Variants in MFSD2A observed in about 807,000 individuals in gnomAD.
MFSD2A encodes MFSD2 lysolipid transporter A, lysophospholipid, also known as sodium-dependent lysophosphatidylcholine symporter 1.
A neutral mutation model predicts 64.7 loss-of-function variants in MFSD2A; 27 were observed. The ratio of observed to expected loss-of-function variants is 0.42; its 90% CI spans 0.31 to 0.58. MFSD2A has a LOEUF of 0.58. Among genes scored for constraint, MFSD2A ranks in the 20% least tolerant of loss-of-function variants. The probability of loss-of-function intolerance (pLI) is 0.18; values close to 1 mark genes in which losing one functional copy is unlikely to be tolerated. For missense variants in MFSD2A, 474 were observed against 679.5 expected, an observed-to-expected ratio of 0.70 and a Z score of 3.36; for synonymous variants, 258 against 273.4, an observed-to-expected ratio of 0.94 and a Z score of 0.55.
intron 13 of MFSD2A, 99 bp from the exon 14 acceptor site, chr1:39,969,406 C>G: frequency 9.5e-7 from 1 of 1,056,842 alleles, no homozygotes; most frequent in East Asian, 2.7e-5. Context: ...CACTTTAGTC[C>G]GACAGCAGGG....
chr1:39,958,892 TTCTC>T lies in MFSD2A; in HGVS notation c.353+71_353+74del. ...TTCCAGCATATCTGCTCCTTGGTCC[TTCTC>T]TCTGTCTTGTCACAGGCAGAAGGGT... is the stretch of plus-strand genomic sequence containing the variant. On this transcript the variant is annotated intron_variant, in intron 3 of 13. Transcript: ENST00000372811. This position sits in a 1 kb window ranked among gnomAD's most constrained non-coding sequence, Gnocchi z 4.7. 6.7e-7 allele frequency: 1 copy of T among 1,497,966 alleles called. No homozygotes were observed. 92.8% of individuals were successfully genotyped at this position (1,497,966 alleles called of 1,614,324 possible).
rs79991799 is a variant in MFSD2A at position 39,955,170 on chromosome 1, G to C, written c.-123G>C. On this transcript the variant is annotated 5_prime_UTR_variant, in exon 1 of 14. Transcript: ENST00000372811. The surrounding 1 kb of genome is among the most constrained non-coding windows in gnomAD (Gnocchi z 5.9). ...AGAGTGCGTTCCTCGTCTGCCAGCC[G>C]GCTTGGCTAGCGCGCGGCGGCCGTG... is the stretch of plus-strand genomic sequence containing the variant. The C allele has an allele frequency of 3.0e-3, 2,183 of 729,404 alleles. 31 individuals carry two copies. The highest frequency in any genetic ancestry group is 0.024 in the African/African-American group (1,297 of 54,502). 45.2% of individuals were successfully genotyped at this position (729,404 alleles called of 1,614,324 possible). A position where few individuals can be genotyped will look rare whatever the true frequency, so the allele number is the denominator to read the frequency against.
chr1:39,964,844 G>A lies in MFSD2A; in HGVS notation c.354-367G>A, dbSNP rs891772486. ...GTGTGTGTGCGGTTGATGACTATCC[G>A]TGTGAGAACACGGGAGTTGGGGCTG... On this transcript the variant is annotated intron_variant, in intron 3 of 13. Coordinates refer to ENST00000372811, the MANE Select transcript of MFSD2A (RefSeq NM_032793.5). This position sits in a 1 kb window ranked among gnomAD's most constrained non-coding sequence, Gnocchi z 4.1. 3.5e-5 allele frequency: 10 copies of A among 289,068 alleles called. No individual in the cohort carries two copies. Among genetic ancestry groups the A allele is most frequent in the Middle Eastern group, 1.1e-3 (1 of 888 alleles). 17.9% of individuals were successfully genotyped at this position (289,068 alleles called of 1,614,324 possible).
At position 39,957,068 on chromosome 1, in the gene MFSD2A, CT is replaced by C. The variant is rs751206643; in HGVS notation, c.94-15del. ...GAGGCCAGAACCTTGGGCCTTTCAT[CT>C]TTTCCTCCTCTTCCCAGAAAGAACC... is the stretch of plus-strand genomic sequence containing the variant. On this transcript the variant is annotated intron_variant, in intron 1 of 13. Transcript: ENST00000372811. 8 of 1,605,306 alleles carry C rather than the reference CT, an allele frequency of 5.0e-6. 1 individual carries two copies. In the South Asian group the frequency reaches 8.8e-5, roughly 18 times the overall value.
Position 39,955,359 on chromosome 1 carries a change from A to G in MFSD2A, c.67A>G (p.Ser23Gly), listed in dbSNP as rs1457968220. The part of the protein sequence containing the change: ...AGLLPTSILQ[S>G]TERPAQVKKE... Reference sequence around the variant, plus strand: ...GCTGCTACCCACCAGCATCCTCCAAAGCACTGAACGCCCGGCCCAGGTGAA... The same window carrying G: ...GCTGCTACCCACCAGCATCCTCCAAGGCACTGAACGCCCGGCCCAGGTGAA... The change falls in exon 1 of 14, where the codon AGC becomes GGC. Residue 23 changes from serine (S) to glycine (G), a missense_variant. Coordinates refer to ENST00000372811, the MANE Select transcript of MFSD2A (RefSeq NM_032793.5). This position sits in a 1 kb window ranked among gnomAD's most constrained non-coding sequence, Gnocchi z 5.9. The G allele has an allele frequency of 6.7e-7, 1 of 1,491,576 alleles. No homozygotes were observed. Among genetic ancestry groups the G allele is most frequent in the Admixed American group, 2.4e-5 (1 of 41,648 alleles). 92.4% of individuals were successfully genotyped at this position (1,491,576 alleles called of 1,614,324 possible).
rs956662903 is a variant in MFSD2A at position 39,962,901 on chromosome 1, G to A, written c.354-2310G>A. On this transcript the variant is annotated intron_variant, in intron 3 of 13. Transcript: ENST00000372811. ...GCCAGTGCAGAAGCAGACCCGTGCC[G>A]GCCAGCGCACCAGGTTCAAGGCGTT... The A allele has an allele frequency of 6.3e-5, 100 of 1,576,408 alleles. No homozygotes were observed. The Admixed American group carries it at 8.1e-4, about 13-fold the overall frequency.
chr1:39,969,889 G>A lies in MFSD2A; in HGVS notation c.*321G>A. ...TAATAACTTAATGACTGTGTACATA[G>A]CAATGTGTGTGTATGTATATGTCTG... On this transcript the variant is annotated 3_prime_UTR_variant, in exon 14 of 14. Coordinates refer to ENST00000372811, the MANE Select transcript of MFSD2A (RefSeq NM_032793.5). 1 of 384,728 alleles carries A rather than the reference G, an allele frequency of 2.6e-6. No individual in the cohort carries two copies. Among genetic ancestry groups the A allele is most frequent in the Non-Finnish European group, 4.7e-6 (1 of 213,670 alleles). The allele number at this position is 384,728 out of a possible 1,614,324, so 23.8% of individuals were successfully genotyped here.
intron 8 of MFSD2A, 28 bp from the exon 9 acceptor site, chr1:39,967,058 T>C (rs1417032173): frequency 6.2e-7 from 1 of 1,613,322 alleles, no homozygotes; most frequent in East Asian, 2.2e-5. Context: ...TTCCTTGCAT[T>C]TCCTTCCCTA....
At position 39,965,605 on chromosome 1, in the gene MFSD2A, C is replaced by T. The variant is rs1223097645; in HGVS notation, c.556+56C>T. 3 of 1,563,226 alleles carry T rather than the reference C, an allele frequency of 1.9e-6. No individual in the cohort carries two copies. The highest frequency in any genetic ancestry group is 2.7e-5 in the African/African-American group (2 of 73,888). On this transcript the variant is annotated intron_variant, in intron 5 of 13. Transcript: ENST00000372811. This position sits in a 1 kb window ranked among gnomAD's most constrained non-coding sequence, Gnocchi z 5.5. Reference sequence around the variant, plus strand: ...CTCCAGGGACCCTCCAGCCATACTTCTTCCCTTGCGGGTCCAGCTCTTTGC... The same window carrying T: ...CTCCAGGGACCCTCCAGCCATACTTTTTCCCTTGCGGGTCCAGCTCTTTGC...
chr1:39,966,154 A>G, intron 6 of MFSD2A, 140 bp downstream of exon 6: 1 of 992,802 alleles, frequency 1.0e-6, no homozygotes, highest in Non-Finnish European at 1.5e-6. Flanking sequence ...TGCACCCAAT[A>G]TACCTACTTT....
At position 39,955,775 on chromosome 1, in the gene MFSD2A, C is replaced by G. The variant is rs1644913389; in HGVS notation, c.93+390C>G. The G allele has an allele frequency of 4.7e-6, 2 of 424,138 alleles. No individual in the cohort carries two copies. The highest frequency in any genetic ancestry group is 6.1e-5 in the Admixed American group (2 of 32,936). The allele number at this position is 424,138 out of a possible 1,614,324, so 26.3% of individuals were successfully genotyped here. ...CTCTCATCCCCTACCTCCCACTCCA[C>G]CCACCTACTCTTGCGCCTCAACTCT... On this transcript the variant is annotated intron_variant, in intron 1 of 13. Transcript: ENST00000372811. The surrounding 1 kb of genome is among the most constrained non-coding windows in gnomAD (Gnocchi z 5.9).
chr1:39,966,742 C>G (rs555718428), intron 7 of MFSD2A, 51 bp downstream of exon 7: 1 of 1,613,402 alleles, frequency 6.2e-7, no homozygotes, highest in African/African-American at 1.3e-5. Context: ...ACAGCTGTAT[C>G]TTTCTGCCTG....
intron 3 of MFSD2A, among the ~76,000 whole-genome samples, chr1:39,961,323 CCCG>C (rs1229079406): frequency 0.016 from 219 of 14,030 alleles, no homozygotes; most frequent in East Asian, 0.045. Context: ...TCTTCCCGCC[CCCG>C]CCCCCCCCCC....
Position 39,965,402 on chromosome 1 carries a change from G to A in MFSD2A, c.477+68G>A. The A allele has an allele frequency of 6.2e-7, 1 of 1,613,578 alleles. No homozygotes were observed. The highest frequency in any genetic ancestry group is 8.5e-7 in the Non-Finnish European group (1 of 1,179,690). On this transcript the variant is annotated intron_variant, in intron 4 of 13. Transcript: ENST00000372811. The surrounding 1 kb of genome is among the most constrained non-coding windows in gnomAD (Gnocchi z 5.5). ...GGAGGGCGGTCCTTGGGGCCCCCAG[G>A]GTTGGTACTGGAAGCTACATCAGTG...
chr1:39,968,548 C>A lies in MFSD2A; in HGVS notation c.1353-21C>A. ...CCAGGTGCCCCATCTTCACCGTTCT[C>A]CTACCCCCTGGGTCCCATAGCTTTG... On this transcript the variant is annotated intron_variant, in intron 12 of 13. Coordinates refer to ENST00000372811, the MANE Select transcript of MFSD2A (RefSeq NM_032793.5). This position sits in a 1 kb window ranked among gnomAD's most constrained non-coding sequence, Gnocchi z 4.4. 6.2e-7 allele frequency: 1 copy of A among 1,613,932 alleles called. No individual in the cohort carries two copies. The highest frequency in any genetic ancestry group is 8.5e-7 in the Non-Finnish European group (1 of 1,179,854).
chr1:39,969,060 T>C (rs1183410707), intron 13 of MFSD2A, among the ~76,000 whole-genome samples: 1 of 152,178 alleles, frequency 6.6e-6, no homozygotes, highest in Non-Finnish European at 1.5e-5. Flanking sequence ...AGTATCAGGT[T>C]CTTAGGGTTC....
intron 13 of MFSD2A, 54 bp from the exon 14 acceptor site, chr1:39,969,451 G>T: frequency 6.6e-7 from 1 of 1,511,662 alleles, no homozygotes; most frequent in Non-Finnish European, 9.0e-7. Context: ...AGGTGGGGCT[G>T]AGGAGGGGTA....
At chr1:39,961,831 A>T (rs1287697162) in intron 3 of MFSD2A, among the ~76,000 whole-genome samples, 1 of 152,186 alleles carries the variant, frequency 6.6e-6, no homozygotes, top group Non-Finnish European at 1.5e-5. Flanking sequence ...AGACTTTGAT[A>T]GTCACTTTGC....
chr1:39,966,565 T>C, intron 6 of MFSD2A, 36 bp from the exon 7 acceptor site: 1 of 1,570,904 alleles, frequency 6.4e-7, no homozygotes, highest in East Asian at 2.2e-5. Context: ...GAGCTCAAAC[T>C]GACCATCCTT....
Sources: allele counts gnomAD v4.1 joint callset (sites outside exome capture counted in the v4.1 genomes callset), GRCh38; gene constraint gnomAD v4.1.1; non-coding constraint Gnocchi (gnomAD v3.1); transcripts MANE v1.5; gene names NCBI Gene and HGNC (gene_info 2026-07-23, HGNC 2026-07-21).